The following PCED1B variants were observed in gnomAD, a reference collection of about 807,000 sequenced individuals.
PCED1B encodes the protein PC-esterase domain-containing protein 1B.
For missense variants in PCED1B, 573 were observed against 573.9 expected (o/e 1.00, Z 0.02); for synonymous variants, 251 against 246.1 (o/e 1.02, Z -0.19).
chr12:47,231,691 A>C (rs543948166), intron 3 of PCED1B, among the ~76,000 whole-genome samples: 1 of 152,244 alleles, frequency 6.6e-6, no homozygotes, highest in Admixed American at 6.5e-5. Flanking sequence ...CTTCACTCCC[A>C]GAGAAAGAAT....
chr12:47,174,939 G>A (rs1017401225), intron 2 of PCED1B, among the ~76,000 whole-genome samples: 2 of 152,208 alleles, frequency 1.3e-5, no homozygotes, highest in African/African-American at 2.4e-5. Flanking sequence ...AGGTAAAGAC[G>A]TGGCAAGGTG....
At chr12:47,159,820 C>T (rs776749566) in intron 2 of PCED1B, among the ~76,000 whole-genome samples, 24 of 151,658 alleles carry the variant, frequency 1.6e-4, no homozygotes, top group Middle Eastern at 3.2e-3. Context: ...TCAAAACCAA[C>T]GTCCTAAAAT....
At chr12:47,231,972 T>G (rs1943821847) in intron 3 of PCED1B, among the ~76,000 whole-genome samples, 1 of 152,330 alleles carries the variant, frequency 6.6e-6, no homozygotes, top group East Asian at 1.9e-4. Flanking sequence ...CCCTAGACTT[T>G]CACAGTTTAT....
intron 2 of PCED1B, among the ~76,000 whole-genome samples, chr12:47,168,868 C>G (rs950876316): frequency 3.3e-5 from 5 of 151,714 alleles, no homozygotes; most frequent in Middle Eastern, 3.4e-3. Context: ...GAGAATATAA[C>G]CTGTAAAATT....
intron 2 of PCED1B, among the ~76,000 whole-genome samples, chr12:47,129,404 G>A (rs1332103050): frequency 2.0e-5 from 3 of 151,984 alleles, no homozygotes; most frequent in Non-Finnish European, 2.9e-5. Context: ...TAGGAGGATC[G>A]CTTGAGCTCA....
intron 2 of PCED1B, among the ~76,000 whole-genome samples, chr12:47,181,078 G>A (rs999106196): frequency 1.3e-5 from 2 of 151,440 alleles, no homozygotes; most frequent in East Asian, 1.9e-4. Flanking sequence ...TCAACCTCCC[G>A]GACTCAGGTG....
At chr12:47,211,582 A>C (rs1380062655) in intron 2 of PCED1B, among the ~76,000 whole-genome samples, 1 of 140,774 alleles carries the variant, frequency 7.1e-6, no homozygotes, top group East Asian at 2.3e-4. Context: ...TGAACCTGGG[A>C]GGCAGAGGTT....
chr12:47,221,810 A>G (rs1354884180), intron 3 of PCED1B, among the ~76,000 whole-genome samples: 1 of 152,112 alleles, frequency 6.6e-6, no homozygotes, highest in Non-Finnish European at 1.5e-5. Flanking sequence ...TGTCTAGAGA[A>G]GTGGGAAGTG....
intron 2 of PCED1B, among the ~76,000 whole-genome samples, chr12:47,191,786 G>GT (rs1176596559): frequency 8.0e-5 from 12 of 150,860 alleles, no homozygotes; most frequent in African/African-American, 1.2e-4. Flanking sequence ...GGTTTTTTTG[G>GT]TTTTTTTGTT....
At chr12:47,177,186 A>G (rs1319424104) in intron 2 of PCED1B, among the ~76,000 whole-genome samples, 1 of 152,156 alleles carries the variant, frequency 6.6e-6, no homozygotes, top group African/African-American at 2.4e-5. Flanking sequence ...TGCCCAATAA[A>G]CACAAGTACT....
intron 2 of PCED1B, among the ~76,000 whole-genome samples, chr12:47,145,373 A>G (rs568997235): frequency 6.6e-6 from 1 of 152,376 alleles, no homozygotes; most frequent in Admixed American, 6.5e-5. Context: ...TAGAAGCTGC[A>G]GGATGTTATT....
intron 2 of PCED1B, among the ~76,000 whole-genome samples, chr12:47,211,628 T>C (rs1166986297): frequency 1.6e-5 from 2 of 124,094 alleles, no homozygotes; most frequent in South Asian, 2.7e-4. Context: ...CACTCTACTA[T>C]GGGCAACAGA....
chr12:47,096,627 T>C (rs1034859611), intron 1 of PCED1B, among the ~76,000 whole-genome samples: 1 of 152,222 alleles, frequency 6.6e-6, no homozygotes, highest in Non-Finnish European at 1.5e-5. Context: ...TTAGCAAGTC[T>C]GTGGATTGGA....
chr12:47,168,281 T>A (rs1293056695), intron 2 of PCED1B, among the ~76,000 whole-genome samples: 1 of 152,228 alleles, frequency 6.6e-6, no homozygotes, highest in Non-Finnish European at 1.5e-5. Flanking sequence ...TGTTTCTTCT[T>A]GGGTCAATTG....
chr12:47,126,422 G>A (rs1273718184), intron 2 of PCED1B, among the ~76,000 whole-genome samples: 1 of 151,984 alleles, frequency 6.6e-6, no homozygotes, highest in East Asian at 1.9e-4. Flanking sequence ...CTTTTGTTAA[G>A]CACTTCTGCA....
At chr12:47,107,899 A>G (rs1939027124) in intron 2 of PCED1B, among the ~76,000 whole-genome samples, 1 of 152,174 alleles carries the variant, frequency 6.6e-6, no homozygotes, top group Non-Finnish European at 1.5e-5. Flanking sequence ...CTTTATTGCT[A>G]ATTACATGCT....
At chr12:47,160,618 A>G (rs1941347423) in intron 2 of PCED1B, among the ~76,000 whole-genome samples, 1 of 152,132 alleles carries the variant, frequency 6.6e-6, no homozygotes, top group African/African-American at 2.4e-5. Context: ...CCCAGCCAGC[A>G]TCTTTCATGT....
chr12:47,116,566 A>G (rs1361378869), intron 2 of PCED1B, among the ~76,000 whole-genome samples: 1 of 152,184 alleles, frequency 6.6e-6, no homozygotes, highest in Non-Finnish European at 1.5e-5. Context: ...TTTTGTCCCA[A>G]CTTTATAATA....
At chr12:47,221,799 G>A (rs1943485884) in intron 3 of PCED1B, among the ~76,000 whole-genome samples, 1 of 152,142 alleles carries the variant, frequency 6.6e-6, no homozygotes, top group Non-Finnish European at 1.5e-5. Context: ...AGATAAATGA[G>A]TGTCTAGAGA....
Sources: allele counts gnomAD v4.1 joint callset (sites outside exome capture counted in the v4.1 genomes callset), GRCh38; gene constraint gnomAD v4.1.1; transcripts MANE v1.5; gene names NCBI Gene and HGNC (gene_info 2026-07-23, HGNC 2026-07-21).